The following TM9SF2 variants were observed in gnomAD, a reference collection of about 807,000 sequenced individuals.
TM9SF2 encodes the protein transmembrane 9 superfamily member 2, also known as 76 kDa membrane protein.
A neutral mutation model predicts 84.9 loss-of-function variants in TM9SF2; 13 were observed. That is an observed-to-expected ratio of 0.15 (90% CI 0.10 to 0.24). The LOEUF (loss-of-function observed/expected upper bound fraction) is 0.24. Among genes scored for constraint, TM9SF2 ranks in the 10% least tolerant of loss-of-function variants. TM9SF2 has a pLI of 1.00. For synonymous variants in TM9SF2, 273 were observed against 285.8 expected (o/e 0.96, Z 0.45); for missense variants, 562 against 818.5 (o/e 0.69, Z 3.82).
At chr13:99,547,807 G>A (rs1490278517) in intron 11 of TM9SF2, among the ~76,000 whole-genome samples, 1 of 152,164 alleles carries the variant, frequency 6.6e-6, no homozygotes, top group Non-Finnish European at 1.5e-5. Context: ...GATATACAGT[G>A]ATTCCCCACG....
chr13:99,519,052 T>C (rs1188457575), intron 2 of TM9SF2, among the ~76,000 whole-genome samples: 3 of 152,178 alleles, frequency 2.0e-5, no homozygotes, highest in Admixed American at 6.5e-5. Flanking sequence ...GAAAATAGTT[T>C]GCTGTAGAGA....
At position 99,537,769 on chromosome 13, in the gene TM9SF2, A is replaced by G. The variant is rs1231812882; in HGVS notation, c.622A>G (p.Ile208Val). 8 of 1,609,392 alleles carry G rather than the reference A, an allele frequency of 5.0e-6. No homozygotes were observed. In the African/African-American group the frequency reaches 5.3e-5, roughly 11 times the overall value. The change falls in exon 6 of 17, where the codon ATC (isoleucine) becomes GTC (valine). Residue 208 changes from isoleucine to valine, a missense_variant. Coordinates refer to ENST00000376387, the MANE Select transcript of TM9SF2 (RefSeq NM_004800.3). ...SDFHERDTFY[I>V]FNHVDIKIYY... ...TTTCCATGAAAGAGATACATTTTAC[A>G]TCTTCAACCATGTTGACATCAAAAT...
chr13:99,519,232 T>A (rs1324137156), intron 2 of TM9SF2, among the ~76,000 whole-genome samples: 2 of 152,096 alleles, frequency 1.3e-5, no homozygotes, highest in Non-Finnish European at 2.9e-5. Flanking sequence ...TCTTTGTGGA[T>A]ATTCTTAGGA....
intron 1 of TM9SF2, among the ~76,000 whole-genome samples, chr13:99,512,654 A>C (rs1237428377): frequency 1.3e-5 from 2 of 152,244 alleles, no homozygotes; most frequent in Non-Finnish European, 2.9e-5. Context: ...TTTCTGGAAA[A>C]GAAGTTTTCC....
At chr13:99,544,109 T>C (rs1008371336) in intron 10 of TM9SF2, 114 bp downstream of exon 10, 23 of 1,222,402 alleles carry the variant, frequency 1.9e-5, no homozygotes, top group Admixed American at 1.4e-4. Context: ...CCTAGCACTT[T>C]GGGAGGCCAA....
intron 10 of TM9SF2, among the ~76,000 whole-genome samples, chr13:99,546,481 A>G (rs1414923049): frequency 6.6e-6 from 1 of 152,106 alleles, no homozygotes; most frequent in Non-Finnish European, 1.5e-5. Flanking sequence ...GTGAAAAGCT[A>G]ATGGCCGTAT....
intron 3 of TM9SF2, among the ~76,000 whole-genome samples, chr13:99,527,335 C>T (rs986347324): frequency 6.6e-6 from 1 of 152,166 alleles, no homozygotes; most frequent in African/African-American, 2.4e-5. Context: ...ACTCACAGTT[C>T]CATATGGCTG....
chr13:99,551,347 G>C lies in TM9SF2; in HGVS notation c.1329-820G>C, dbSNP rs553452643. On this transcript the variant is annotated intron_variant, in intron 12 of 16. Coordinates refer to ENST00000376387, the MANE Select transcript of TM9SF2 (RefSeq NM_004800.3). ...GCCCTGTATCCATGGCAGCGTGCTA[G>C]ATGTGGCACCATGAGCCAGAGGAAC... Among the ~76,000 whole-genome samples, 21 of 152,382 alleles carry C rather than the reference G, an allele frequency of 1.4e-4. 1 individual carries two copies. The South Asian group carries it at 1.7e-3, about 12-fold the overall frequency.
intron 10 of TM9SF2, among the ~76,000 whole-genome samples, chr13:99,544,689 A>T (rs1348580255): frequency 6.6e-6 from 1 of 152,174 alleles, no homozygotes; most frequent in African/African-American, 2.4e-5. Context: ...TGGGAAAAGA[A>T]GGGATGGGGC....
Position 99,537,655 on chromosome 13 carries a change from T to C in TM9SF2, c.592-84T>C. 2.7e-6 allele frequency: 3 copies of C among 1,103,504 alleles called. No homozygotes were observed. In the South Asian group the frequency reaches 5.3e-5, roughly 19 times the overall value. The allele number at this position is 1,103,504 out of a possible 1,614,324, so 68.4% of individuals were successfully genotyped here. On this transcript the variant is annotated intron_variant, in intron 5 of 16. Coordinates refer to ENST00000376387, the MANE Select transcript of TM9SF2 (RefSeq NM_004800.3). ...TCCATTCAAACTTAAATTTTCTTACTTGTTGTAGCCCATTTTAAAGTTTTA... is the reference window on the plus strand; with the variant it reads ...TCCATTCAAACTTAAATTTTCTTACCTGTTGTAGCCCATTTTAAAGTTTTA...
intron 1 of TM9SF2, among the ~76,000 whole-genome samples, chr13:99,514,783 G>A (rs949166330): frequency 5.9e-5 from 9 of 152,344 alleles, no homozygotes; most frequent in Middle Eastern, 3.4e-3. Context: ...ATAGCCACAT[G>A]TGGCTGGTGG....
At chr13:99,516,757 G>A (rs2046136474) in intron 1 of TM9SF2, among the ~76,000 whole-genome samples, 1 of 152,150 alleles carries the variant, frequency 6.6e-6, no homozygotes, top group Non-Finnish European at 1.5e-5. Flanking sequence ...TTCTTAAATT[G>A]ATGGAAGAGG....
rs776382174 is a variant in TM9SF2, at chr13:99,501,644, G to C, written c.38G>C (p.Trp13Ser). The C allele has an allele frequency of 1.9e-6, 3 of 1,613,308 alleles. No individual in the cohort carries two copies. The Admixed American group carries it at 5.0e-5, about 27-fold the overall frequency. ...CTGCCGGTGTTGTCTCCACCTCGGT[G>C]GCCGCGGCTGTTGCTGCTGTCGCTG... ...ARLPVLSPPR[W>S]PRLLLLSLLL... The change falls in exon 1 of 17, where the codon TGG (tryptophan) becomes TCG (serine). Residue 13 changes from tryptophan to serine, a missense_variant. Transcript: ENST00000376387.
chr13:99,536,557 T>C (rs1459239372), intron 4 of TM9SF2, 51 bp from the exon 5 acceptor site: 2 of 1,584,910 alleles, frequency 1.3e-6, no homozygotes, highest in Non-Finnish European at 1.7e-6. Context: ...AGTAATTCTT[T>C]GTCATGTTTG....
rs1168207796 is a variant in TM9SF2 at position 99,563,456 on chromosome 13, G to C, written c.*698G>C. The C allele has an allele frequency of 2.0e-5, 3 of 152,122 alleles. No homozygotes were observed. The highest frequency in any genetic ancestry group is 2.9e-5 in the Non-Finnish European group (2 of 68,014). 9.4% of individuals were successfully genotyped at this position (152,122 alleles called of 1,614,324 possible). On this transcript the variant is annotated 3_prime_UTR_variant, in exon 17 of 17. Transcript: ENST00000376387. ...TGTAAATACAGATCTATTTACCAAG[G>C]TGTTTTGAAATGATTTATACTATTT...
intron 10 of TM9SF2, 73 bp downstream of exon 10, chr13:99,544,068 C>T: frequency 6.4e-7 from 1 of 1,556,486 alleles, no homozygotes; most frequent in South Asian, 1.2e-5. Flanking sequence ...ACCAGTTTTT[C>T]TGGCCGGGCA....
rs769076478 is a variant in TM9SF2 at position 99,554,333 on chromosome 13, G to C, written c.1518G>C (p.Gln506His). Residue 506 changes from glutamine (Q) to histidine (H), a missense_variant, in exon 14 of 17, where the codon CAG becomes CAC. Physicochemically the swap from Gln to His is conservative, Grantham distance 24. Around this residue, in one of 4 missense-constraint regions of TM9SF2, gnomAD observed 219 missense variants for 338.1 expected, o/e 0.65. Transcript: ENST00000376387. ...TTGAACACCCAGTTCGAACCAATCA[G>C]ATTCCACGTCAGATTCCTGAACAGT... Reference protein sequence around the residue: ...NAIEHPVRTNQIPRQIPEQSF... With the variant: ...NAIEHPVRTNHIPRQIPEQSF... 1.4e-5 allele frequency: 23 copies of C among 1,613,866 alleles called. No individual in the cohort carries two copies. Among genetic ancestry groups the C allele is most frequent in the Non-Finnish European group, 1.5e-5 (18 of 1,179,942 alleles).
chr13:99,541,422 T>G, intron 8 of TM9SF2, 137 bp from the exon 9 acceptor site: 1 of 581,412 alleles, frequency 1.7e-6, no homozygotes. Context: ...GTTCATTGAA[T>G]TTGTTGGATT....
intron 1 of TM9SF2, among the ~76,000 whole-genome samples, chr13:99,504,161 G>A (rs572906654): frequency 6.6e-6 from 1 of 152,328 alleles, no homozygotes; most frequent in African/African-American, 2.4e-5. Flanking sequence ...ACTTCAATCA[G>A]GATGTTAATA....
Sources: gnomAD v4.1 joint callset for allele counts (sites outside exome capture counted in the v4.1 genomes callset) on GRCh38, gnomAD v4.1.1 for gene constraint, gnomAD v4.1.1 regional missense constraint, MANE v1.5 for transcripts, NCBI Gene and HGNC (gene_info 2026-07-23, HGNC 2026-07-21) for gene names.